The following NDE1 variants were observed in gnomAD, a reference collection of about 807,000 sequenced individuals.
NDE1 encodes nudE neurodevelopment protein 1, also known as nuclear distribution protein nudE homolog 1.
In NDE1, 28 loss-of-function variants were observed where a neutral mutation model predicts 43.4. The ratio of observed to expected loss-of-function variants is 0.65; its 90% CI spans 0.48 to 0.89. NDE1 has a LOEUF of 0.89. Among genes scored for constraint, NDE1 ranks in the 40% least tolerant of loss-of-function variants. The pLI, the probability that NDE1 is intolerant of heterozygous loss-of-function variation, is 0.00. For missense variants in NDE1, 441 were observed against 434.1 expected (o/e 1.02, Z -0.14); for synonymous variants, 184 against 172.0 (o/e 1.07, Z -0.55).
intron 3 of NDE1, among the ~76,000 whole-genome samples, chr16:15,672,130 T>C (rs1388462801): frequency 6.6e-6 from 1 of 152,184 alleles, no homozygotes; most frequent in East Asian, 1.9e-4. Context: ...TCAGTAATTC[T>C]CTGCTTCAAG....
At chr16:15,722,274 T>C (rs2040526912) in intron 8 of NDE1, among the ~76,000 whole-genome samples, 1 of 152,174 alleles carries the variant, frequency 6.6e-6, no homozygotes, top group Admixed American at 6.5e-5. Context: ...TGGCCACAAG[T>C]AGCTATTAAT....
intron 3 of NDE1, among the ~76,000 whole-genome samples, chr16:15,676,749 G>A (rs1057482571): frequency 2.0e-5 from 3 of 152,012 alleles, no homozygotes; most frequent in South Asian, 2.1e-4. Context: ...CTGCAGCTTC[G>A]ACCTCTCAGG....
At chr16:15,694,556 C>G (rs1374576484) in intron 7 of NDE1, 6 of 883,818 alleles carry the variant, frequency 6.8e-6, no homozygotes, top group African/African-American at 1.8e-5. Flanking sequence ...CTGTGTTGCC[C>G]AGGCTGGTCT....
At chr16:15,659,511 A>G (rs2036940278) in intron 1 of NDE1, among the ~76,000 whole-genome samples, 1 of 128,896 alleles carries the variant, frequency 7.8e-6, no homozygotes, top group Non-Finnish European at 1.5e-5. Flanking sequence ...ATCTCGGCTC[A>G]CTACAACCTC....
At chr16:15,712,228 G>C (rs1327831559) in intron 8 of NDE1, among the ~76,000 whole-genome samples, 1 of 152,172 alleles carries the variant, frequency 6.6e-6, no homozygotes, top group South Asian at 2.1e-4. Flanking sequence ...ATGTGGGAAC[G>C]GGAGGGTGGT....
At chr16:15,721,562 C>T (rs864622710) in intron 8 of NDE1, 2 of 1,614,116 alleles carry the variant, frequency 1.2e-6, no homozygotes, top group Non-Finnish European at 1.7e-6. Context: ...GTTTCCTTCT[C>T]CCTGGCTTCT....
In NDE1 at chr16:15,724,849, AC is replaced by A. The variant is rs1403192144; in HGVS notation, c.*604del. The A allele has an allele frequency of 2.5e-6, 4 of 1,613,296 alleles. No homozygotes were observed. Among genetic ancestry groups the A allele is most frequent in the African/African-American group, 1.3e-5 (1 of 74,806 alleles). On this transcript the variant is annotated 3_prime_UTR_variant, in exon 9 of 9. Transcript: ENST00000396354. ...CCAGGGACCTGCCCCGAGGAAGGCC[AC>A]CCCCCAGGTCCCCTGGATGATGTGG...
At chr16:15,661,221 T>C (rs2037029533) in intron 1 of NDE1, among the ~76,000 whole-genome samples, 1 of 150,784 alleles carries the variant, frequency 6.6e-6, no homozygotes, top group Admixed American at 6.7e-5. Flanking sequence ...CCATCTCGGC[T>C]CACTGCAAGC....
intron 8 of NDE1, among the ~76,000 whole-genome samples, chr16:15,705,825 C>CA (rs1268816567): frequency 6.6e-6 from 1 of 151,424 alleles, no homozygotes; most frequent in Non-Finnish European, 1.5e-5. Flanking sequence ...ACTAAAAATA[C>CA]AAAAAATTAG....
intron 3 of NDE1, among the ~76,000 whole-genome samples, chr16:15,673,174 T>C (rs975394502): frequency 6.6e-6 from 1 of 152,108 alleles, no homozygotes; most frequent in South Asian, 2.1e-4. Context: ...AAGTGTTTTC[T>C]CTTATGTTTG....
At chr16:15,709,006 G>A (rs766033844) in intron 8 of NDE1, among the ~76,000 whole-genome samples, 6 of 152,122 alleles carry the variant, frequency 3.9e-5, no homozygotes, top group Non-Finnish European at 7.3e-5. Context: ...GCAGGGGTGC[G>A]ATCTTGGCTC....
intron 4 of NDE1, among the ~76,000 whole-genome samples, chr16:15,678,211 C>T (rs2034599989): frequency 1.3e-5 from 2 of 152,012 alleles, no homozygotes; most frequent in Admixed American, 6.6e-5. Flanking sequence ...GGCCTGGGAG[C>T]GTCAGGCGAG....
chr16:15,687,197 A>C, intron 4 of NDE1, 178 bp from the exon 5 acceptor site: 2 of 1,517,212 alleles, frequency 1.3e-6, no homozygotes, highest in Non-Finnish European at 1.8e-6. Flanking sequence ...CCCATTCTGC[A>C]GGTAAAGAGC....
At chr16:15,648,407 AAG>A (rs1439597723), upstream of NDE1, among the ~76,000 whole-genome samples, 2 of 152,216 alleles carry the variant, frequency 1.3e-5, no homozygotes, top group Non-Finnish European at 2.9e-5. Context: ...TAAAGAAAAA[AAG>A]AAATTCCAGC....
At chr16:15,707,129 C>G (rs558674114) in intron 8 of NDE1, among the ~76,000 whole-genome samples, 9 of 152,226 alleles carry the variant, frequency 5.9e-5, no homozygotes, top group Admixed American at 2.0e-4. Flanking sequence ...GCCTCTGCCT[C>G]CCAGGTTCAA....
At chr16:15,686,011 G>C (rs934023653) in intron 4 of NDE1, among the ~76,000 whole-genome samples, 1 of 151,590 alleles carries the variant, frequency 6.6e-6, no homozygotes, top group Non-Finnish European at 1.5e-5. Flanking sequence ...GAGTGCAGTG[G>C]CATGATCTTG....
At chr16:15,679,295 C>T (rs2038052709) in intron 4 of NDE1, among the ~76,000 whole-genome samples, 1 of 152,090 alleles carries the variant, frequency 6.6e-6, no homozygotes, top group African/African-American at 2.4e-5. Flanking sequence ...TGCACCCGGC[C>T]TCCTCAGAGA....
Position 15,719,228 on chromosome 16 carries a change from C to A in NDE1, c.948-4963C>A, listed in dbSNP as rs777919235. 16 of 1,613,634 alleles carry A rather than the reference C, an allele frequency of 9.9e-6. No individual in the cohort carries two copies. The East Asian group carries it at 3.3e-4, about 34-fold the overall frequency. ...TCCATTCAGTTTCCTACCTTCCCGA[C>A]AGGCTACTGGCCAGCTCCTCTGCCA... On this transcript the variant is annotated intron_variant, in intron 8 of 8. Coordinates refer to ENST00000396354, the MANE Select transcript of NDE1 (RefSeq NM_017668.3).
At chr16:15,657,814 C>T (rs1290138334) in intron 1 of NDE1, among the ~76,000 whole-genome samples, 3 of 152,200 alleles carry the variant, frequency 2.0e-5, no homozygotes, top group Non-Finnish European at 4.4e-5. Context: ...GTTGCCCAGG[C>T]TGGTCTCAAA....
Sources: gnomAD v4.1 joint callset for allele counts (sites outside exome capture counted in the v4.1 genomes callset) on GRCh38, gnomAD v4.1.1 for gene constraint, MANE v1.5 for transcripts, NCBI Gene and HGNC (gene_info 2026-07-23, HGNC 2026-07-21) for gene names.